ARHGEF10: variants seen among roughly 807,000 people sequenced by gnomAD.
ARHGEF10 encodes Rho guanine nucleotide exchange factor (GEF) 10.
In ARHGEF10, 140 loss-of-function variants were observed where a neutral mutation model predicts 147.4. That is an observed-to-expected ratio of 0.95 (90% CI 0.83 to 1.09). The LOEUF is 1.09. ARHGEF10 is among the 50% of genes least tolerant of loss of function. The pLI is 0.00. For synonymous variants in ARHGEF10, 902 were observed against 695.8 expected (o/e 1.30, Z -4.67); for missense variants, 2,222 against 1,752.7 (o/e 1.27, Z -4.78).
chr8:1,904,177 G>C (rs954229055), intron 16 of ARHGEF10: 1 of 152,196 alleles, frequency 6.6e-6, no homozygotes, highest in African/African-American at 2.4e-5. Flanking sequence ...AAGAGATGCA[G>C]GACCCAGAAG....
Position 1,896,393 on chromosome 8 carries a change from G to A in ARHGEF10, c.1501G>A (p.Val501Met), listed in dbSNP as rs762251124. 1.3e-5 allele frequency: 21 copies of A among 1,614,002 alleles called. No individual in the cohort carries two copies. Among genetic ancestry groups the A allele is most frequent in the African/African-American group, 4.0e-5 (3 of 75,014 alleles). Residue 501 changes from valine (V) to methionine (M), a missense_variant, in exon 14 of 29, where the codon GTG becomes ATG. By Grantham distance (21) the Val-to-Met change is conservative. Coordinates refer to ENST00000349830, the MANE Select transcript of ARHGEF10 (RefSeq NM_014629.4). ...SEYVNNFSTA[V>M]AVLKKTCATK... is the part of the protein sequence containing the mutation. ...ATATGTGAACAATTTCAGCACAGCC[G>A]TGGCAGTCCTCAAGAAAACATGTGC...
chr8:1,921,341 T>C (rs1354038068), intron 18 of ARHGEF10, among the ~76,000 whole-genome samples: 5 of 152,242 alleles, frequency 3.3e-5, no homozygotes, highest in Admixed American at 3.3e-4. Context: ...ATGTATTATA[T>C]CTGTTATATA....
intron 15 of ARHGEF10, among the ~76,000 whole-genome samples, chr8:1,901,110 T>G (rs568483195): frequency 1.3e-5 from 2 of 152,192 alleles, no homozygotes; most frequent in East Asian, 3.9e-4. Flanking sequence ...GGAGTCATTG[T>G]GTGGATGTGC....
At chr8:1,909,704 G>A (rs181561246) in intron 18 of ARHGEF10, among the ~76,000 whole-genome samples, 3 of 152,208 alleles carry the variant, frequency 2.0e-5, no homozygotes, top group Non-Finnish European at 2.9e-5. Context: ...GGTTCGGGCC[G>A]TGCACCTGGC....
At chr8:1,865,947 A>G (rs1346746448) in intron 5 of ARHGEF10, among the ~76,000 whole-genome samples, 1 of 152,178 alleles carries the variant, frequency 6.6e-6, no homozygotes. Context: ...TGGTGTGTGC[A>G]GTGAGTCTGA....
At chr8:1,826,035 T>A (rs1467722585) in intron 1 of ARHGEF10, 2 of 1,344,706 alleles carry the variant, frequency 1.5e-6, no homozygotes, top group Non-Finnish European at 2.1e-6. Context: ...TGTCCCTGTC[T>A]GTCTCTCACA....
rs2129299137 is a variant in ARHGEF10 at position 1,957,337 on chromosome 8, G to A, written c.*74G>A. On this transcript the variant is annotated 3_prime_UTR_variant, in exon 29 of 29. Transcript: ENST00000349830. The stretch of plus-strand genomic sequence containing the variant: ...CTCAGCTAATCCTACAGCCTGAGTG[G>A]TTAAGCTGTGTCTACACTGGTTGGG... The A allele has an allele frequency of 1.3e-6, 2 of 1,550,170 alleles. No individual in the cohort carries two copies. Among genetic ancestry groups the A allele is most frequent in the East Asian group, 4.7e-5 (2 of 42,864 alleles).
At chr8:1,838,021 C>T (rs1803692939) in intron 1 of ARHGEF10, among the ~76,000 whole-genome samples, 1 of 152,188 alleles carries the variant, frequency 6.6e-6, no homozygotes, top group Non-Finnish European at 1.5e-5. Flanking sequence ...TATTCATTGT[C>T]TCCTCCATAG....
In ARHGEF10 at chr8:1,952,736, C is replaced by T. The variant is rs546515758; in HGVS notation, c.3429C>T (p.Leu1143=). ...AGCGGCTGTCGGTGACGAGCCTGCT[C>T]GTCTGCCACGGATTGCTGATGGTCG... ...GHQRLSVTSL[L]VCHGLLMVGT... The change falls in exon 28 of 29, where the codon CTC becomes CTT. Residue 1143 remains leucine, a synonymous_variant. Coordinates refer to ENST00000349830, the MANE Select transcript of ARHGEF10 (RefSeq NM_014629.4). 42 of 1,613,322 alleles carry T rather than the reference C, an allele frequency of 2.6e-5. 1 individual carries two copies. Among genetic ancestry groups the T allele is most frequent in the East Asian group, 4.5e-5 (2 of 44,870 alleles).
chr8:1,876,456 T>G, intron 7 of ARHGEF10, 115 bp from the exon 8 acceptor site: 1 of 1,135,642 alleles, frequency 8.8e-7, no homozygotes. Context: ...CTCAGCATGA[T>G]TCAGATTTCC....
At position 1,928,529 on chromosome 8, in the gene ARHGEF10, T is replaced by C; in HGVS notation, c.2800T>C (p.Cys934Arg). 1.2e-6 allele frequency: 2 copies of C among 1,614,214 alleles called. No homozygotes were observed. Among genetic ancestry groups the C allele is most frequent in the Non-Finnish European group, 1.7e-6 (2 of 1,180,040 alleles). ...ECFNVESRIL[C>R]MLYVPVEEKR... ...CTTCAACGTGGAATCTCGCATCCTG[T>C]GCATGCTGTACGTTCCCGTCGAGGA... The change falls in exon 24 of 29, where the codon TGC (cysteine) becomes CGC (arginine). Residue 934 changes from cysteine (C) to arginine (R), a missense_variant. Coordinates refer to ENST00000349830, the MANE Select transcript of ARHGEF10 (RefSeq NM_014629.4).
chr8:1,839,375 G>GTA (rs1563157219), intron 1 of ARHGEF10, among the ~76,000 whole-genome samples: 3 of 130,678 alleles, frequency 2.3e-5, no homozygotes, highest in Non-Finnish European at 3.2e-5. Flanking sequence ...TGGTGTGGAA[G>GTA]CTGTCTGGTG....
intron 17 of ARHGEF10, 40 bp from the exon 18 acceptor site, chr8:1,909,255 T>C (rs770045449): frequency 3.1e-6 from 5 of 1,613,438 alleles, no homozygotes; most frequent in South Asian, 1.1e-5. Flanking sequence ...AACGTGTTCA[T>C]GTAATTATTC....
intron 18 of ARHGEF10, among the ~76,000 whole-genome samples, chr8:1,918,871 C>T (rs1256003073): frequency 6.7e-6 from 1 of 150,168 alleles, no homozygotes; most frequent in East Asian, 2.0e-4. Flanking sequence ...GATGATGGAG[C>T]TGCTTTGTGG....
chr8:1,883,463 G>A (rs372859510), intron 10 of ARHGEF10, among the ~76,000 whole-genome samples: 21 of 152,128 alleles, frequency 1.4e-4, no homozygotes, highest in Admixed American at 1.3e-3. Context: ...GTGCTAGGAC[G>A]TGGGTAGCAT....
At chr8:1,845,949 G>T (rs1735395109) in intron 2 of ARHGEF10, among the ~76,000 whole-genome samples, 1 of 152,238 alleles carries the variant, frequency 6.6e-6, no homozygotes, top group Non-Finnish European at 1.5e-5. Flanking sequence ...CCTCTGCCCA[G>T]ATTTCGACCC....
At chr8:1,922,897 C>G in intron 18 of ARHGEF10, 67 bp from the exon 19 acceptor site, 1 of 1,137,388 alleles carries the variant, frequency 8.8e-7, no homozygotes, top group East Asian at 2.3e-5. Context: ...CTTTTCTTCC[C>G]TCAAGTATTG....
At chr8:1,938,207 A>T (rs967184397) in intron 26 of ARHGEF10, among the ~76,000 whole-genome samples, 1 of 152,172 alleles carries the variant, frequency 6.6e-6, no homozygotes, top group South Asian at 2.1e-4. Context: ...GGTTTGTCCA[A>T]TTGCTGTTTA....
chr8:1,875,258 AG>A (rs1195759332), intron 7 of ARHGEF10, among the ~76,000 whole-genome samples: 5 of 151,284 alleles, frequency 3.3e-5, no homozygotes, highest in Non-Finnish European at 4.4e-5. Context: ...CAGGGCGTGT[AG>A]GGGGTGGAGG....
Sources: gnomAD v4.1 joint callset for allele counts (sites outside exome capture counted in the v4.1 genomes callset) on GRCh38, gnomAD v4.1.1 for gene constraint, MANE v1.5 for transcripts, NCBI Gene and HGNC (gene_info 2026-07-23, HGNC 2026-07-21) for gene names.